The following TAF13 variants were observed in gnomAD, a reference collection of about 807,000 sequenced individuals.
The protein encoded by TAF13 is TATA-box binding protein associated factor 13, also known as transcription initiation factor TFIID subunit 13.
A neutral mutation model predicts 18.7 loss-of-function variants in TAF13; 9 were observed. The ratio of observed to expected loss-of-function variants is 0.48; its 90% CI spans 0.29 to 0.84. The LOEUF (loss-of-function observed/expected upper bound fraction) is 0.84. Among genes scored for constraint, TAF13 ranks in the 40% least tolerant of loss-of-function variants. The probability of loss-of-function intolerance (pLI) is 0.08; values close to 1 mark genes in which losing one functional copy is unlikely to be tolerated. For missense variants in TAF13, 105 were observed against 146.5 expected (o/e 0.72, Z 1.46); for synonymous variants, 49 against 44.1 (o/e 1.11, Z -0.44).
intron 2 of TAF13, among the ~76,000 whole-genome samples, chr1:109,070,376 G>A (rs932956776): frequency 4.6e-5 from 7 of 152,002 alleles, no homozygotes; most frequent in African/African-American, 1.7e-4. Context: ...AGGCCACCAC[G>A]CCCAGCTAAT....
Position 109,075,996 on chromosome 1 carries a change from G to T in TAF13, c.-49C>A. 6.2e-7 allele frequency: 1 copy of T among 1,613,924 alleles called. No homozygotes were observed. The highest frequency in any genetic ancestry group is 8.5e-7 in the Non-Finnish European group (1 of 1,179,886). On this transcript the variant is annotated 5_prime_UTR_variant, in exon 1 of 4. Transcript: ENST00000338366. ...CGTCCTGCCGGCTGGCTCCCAGCTG[G>T]TTACACTACTTCCGCCGCCTCACTT... is the stretch of plus-strand genomic sequence containing the variant.
intron 2 of TAF13, among the ~76,000 whole-genome samples, chr1:109,070,059 A>G (rs1168715499): frequency 6.6e-6 from 1 of 152,198 alleles, no homozygotes; most frequent in African/African-American, 2.4e-5. Flanking sequence ...AGAAATTAAC[A>G]TCGGTACAGG....
intron 3 of TAF13, among the ~76,000 whole-genome samples, chr1:109,065,055 T>A (rs1179080439): frequency 6.6e-6 from 1 of 152,174 alleles, no homozygotes; most frequent in Admixed American, 6.6e-5. Context: ...TCCTCTATCT[T>A]AATACCCAAT....
intron 2 of TAF13, among the ~76,000 whole-genome samples, chr1:109,068,777 G>A (rs763234047): frequency 5.9e-5 from 9 of 152,156 alleles, no homozygotes; most frequent in Admixed American, 1.3e-4. Flanking sequence ...CAAGGTGGGC[G>A]GATCACCTGA....
intron 2 of TAF13, among the ~76,000 whole-genome samples, chr1:109,067,807 C>T (rs542626083): frequency 2.0e-5 from 3 of 152,080 alleles, no homozygotes; most frequent in Non-Finnish European, 4.4e-5. Context: ...TATTGATTAT[C>T]CCCATTCTAT....
chr1:109,072,996 G>C (rs1338450624), intron 2 of TAF13, among the ~76,000 whole-genome samples: 1 of 151,660 alleles, frequency 6.6e-6, no homozygotes, highest in African/African-American at 2.4e-5. Context: ...GTCTCCCAAA[G>C]TGCTGGGATT....
chr1:109,071,260 G>A (rs925657569), intron 2 of TAF13, among the ~76,000 whole-genome samples: 3 of 151,928 alleles, frequency 2.0e-5, no homozygotes, highest in Non-Finnish European at 4.4e-5. Context: ...GGCTAACATG[G>A]TGAAACCCGT....
intron 2 of TAF13, among the ~76,000 whole-genome samples, chr1:109,067,671 C>T (rs1663976087): frequency 6.6e-6 from 1 of 152,094 alleles, no homozygotes; most frequent in Non-Finnish European, 1.5e-5. Flanking sequence ...AAGTCTAATA[C>T]AGACAAATAA....
chr1:109,066,971 A>T (rs1663961495), intron 2 of TAF13, among the ~76,000 whole-genome samples: 2 of 152,058 alleles, frequency 1.3e-5, no homozygotes, highest in African/African-American at 4.8e-5. Flanking sequence ...TGCGTGCCTC[A>T]GCCTCCCAAA....
chr1:109,073,128 A>G (rs1011372834), intron 2 of TAF13, among the ~76,000 whole-genome samples: 5 of 152,104 alleles, frequency 3.3e-5, no homozygotes, highest in African/African-American at 1.2e-4. Context: ...AGGATCCATT[A>G]TTACCTGTGG....
At position 109,074,995 on chromosome 1, in the gene TAF13, G is replaced by GA. The variant is rs778508331; in HGVS notation, c.97dup (p.Ser33PhefsTer2). 49 of 1,595,252 alleles carry GA rather than the reference G, an allele frequency of 3.1e-5. No individual in the cohort carries two copies. The African/African-American group carries it at 4.3e-4, about 14-fold the overall frequency. ...TGTCAAATACTACTTACATTCTTTA[G>GA]AAAAAAGTCTCTTTCTTTTACCCTG... On this transcript the variant is annotated frameshift_variant, in exon 2 of 4. Coordinates refer to ENST00000338366, the MANE Select transcript of TAF13 (RefSeq NM_005645.4). LOFTEE classifies it high-confidence loss of function.
chr1:109,075,022 C>T lies in TAF13; in HGVS notation c.71G>A (p.Gly24Glu). 6.2e-7 allele frequency: 1 copy of T among 1,609,856 alleles called. No individual in the cohort carries two copies. Among genetic ancestry groups the T allele is most frequent in the Non-Finnish European group, 8.5e-7 (1 of 1,178,880 alleles). The change falls in exon 2 of 4, where the codon GGA (glycine) becomes GAA (glutamate). Residue 24 changes from glycine (G) to glutamate (E), a missense_variant. Transcript: ENST00000338366. ...NEEIGGGAEG[G>E]QGKRKRLFSK... Reference sequence around the variant, plus strand: ...AAAAAGTCTCTTTCTTTTACCCTGTCCACCTTCTGCACCTCCTCCAATTTC... The same window carrying T: ...AAAAAGTCTCTTTCTTTTACCCTGTTCACCTTCTGCACCTCCTCCAATTTC...
At chr1:109,073,585 C>G (rs1404491906) in intron 2 of TAF13, among the ~76,000 whole-genome samples, 1 of 152,162 alleles carries the variant, frequency 6.6e-6, no homozygotes, top group African/African-American at 2.4e-5. Context: ...CCGGGCTGGT[C>G]TCCGCTCCTG....
intron 1 of TAF13, among the ~76,000 whole-genome samples, chr1:109,075,318 A>G (rs576102720): frequency 3.9e-5 from 6 of 152,332 alleles, no homozygotes; most frequent in East Asian, 1.9e-4. Context: ...TCCAATGACC[A>G]TAAGTTTTAT....
At chr1:109,074,066 T>A (rs944583890) in intron 2 of TAF13, among the ~76,000 whole-genome samples, 18 of 152,222 alleles carry the variant, frequency 1.2e-4, no homozygotes, top group African/African-American at 4.3e-4. Flanking sequence ...CGCCACCCTG[T>A]CTGGGAGGTG....
At chr1:109,075,366 G>T (rs993360364) in intron 1 of TAF13, among the ~76,000 whole-genome samples, 2 of 152,090 alleles carry the variant, frequency 1.3e-5, no homozygotes. Flanking sequence ...TACTGTTACT[G>T]TTAAACAGTT....
chr1:109,068,369 T>C (rs1663987001), intron 2 of TAF13, among the ~76,000 whole-genome samples: 1 of 152,174 alleles, frequency 6.6e-6, no homozygotes, highest in Non-Finnish European at 1.5e-5. Flanking sequence ...ATTCCTGGCC[T>C]CAAGTGATCT....
At chr1:109,069,632 GT>G (rs892231640) in intron 2 of TAF13, among the ~76,000 whole-genome samples, 81 of 147,840 alleles carry the variant, frequency 5.5e-4, no homozygotes, top group African/African-American at 1.4e-3. Flanking sequence ...TTGTACCTAA[GT>G]TTTTTTTTTT....
chr1:109,067,502 C>A (rs911891835), intron 2 of TAF13, among the ~76,000 whole-genome samples: 2 of 151,448 alleles, frequency 1.3e-5, no homozygotes, highest in Admixed American at 6.6e-5. Context: ...CCCAGCTACT[C>A]GGGAGGCTGA....
Sources: gnomAD v4.1 joint callset for allele counts (sites outside exome capture counted in the v4.1 genomes callset) on GRCh38, gnomAD v4.1.1 for gene constraint, MANE v1.5 for transcripts, NCBI Gene and HGNC (gene_info 2026-07-23, HGNC 2026-07-21) for gene names.